FURIN: variants seen among roughly 807,000 people sequenced by gnomAD.
The protein encoded by FURIN is FES upstream region.
A neutral mutation model predicts 89.2 loss-of-function variants in FURIN; 18 were observed. That is an observed-to-expected ratio of 0.20 (90% CI 0.14 to 0.30). The LOEUF is 0.30. FURIN is among the 10% of genes least tolerant of loss of function. FURIN has a pLI of 1.00. For missense variants in FURIN, 879 were observed against 1,100.5 expected, an observed-to-expected ratio of 0.80 and a Z score of 2.85; for synonymous variants, 508 against 466.4, an observed-to-expected ratio of 1.09 and a Z score of -1.15.
chr15:90,882,748 T>C lies in FURIN; in HGVS notation c.*870T>C, dbSNP rs968502211. On this transcript the variant is annotated 3_prime_UTR_variant, in exon 16 of 16. Transcript: ENST00000268171. ...GGGGATCTCAGGGGCTGTTTGAGGA[T>C]ATATTTTCACTTTGTGATTATTTCA... 6.5e-6 allele frequency: 1 copy of C among 152,708 alleles called. No individual in the cohort carries two copies. The highest frequency in any genetic ancestry group is 1.5e-5 in the Non-Finnish European group (1 of 68,066). The allele number at this position is 152,708 out of a possible 1,614,324, so 9.5% of individuals were successfully genotyped here. A position where few individuals can be genotyped will look rare whatever the true frequency, so the allele number is the denominator to read the frequency against.
chr15:90,881,880 G>A lies in FURIN; in HGVS notation c.*2G>A. On this transcript the variant is annotated 3_prime_UTR_variant, in exon 16 of 16. Coordinates refer to ENST00000268171, the MANE Select transcript of FURIN (RefSeq NM_002569.4). The surrounding 1 kb of genome is among the most constrained non-coding windows in gnomAD (Gnocchi z 4.3). ...ATCAAAGACCAGAGCGCCCTCTGAT[G>A]AGCCCACTGCCCACCCCCTCAAGCC... 1 of 1,593,236 alleles carries A rather than the reference G, an allele frequency of 6.3e-7. No homozygotes were observed. The highest frequency in any genetic ancestry group is 1.1e-5 in the South Asian group (1 of 90,284).
At position 90,881,366 on chromosome 15, in the gene FURIN, A is replaced by G. The variant is rs1397284896; in HGVS notation, c.1873A>G (p.Thr625Ala). 1.2e-6 allele frequency: 2 copies of G among 1,612,850 alleles called. No individual in the cohort carries two copies. The highest frequency in any genetic ancestry group is 1.7e-6 in the Non-Finnish European group (2 of 1,179,840). ...PPGFAPQVLD[T>A]HYSTENDVET... ...AGGGTTCGCCCCCCAAGTCCTCGAT[A>G]CGCACTATAGCACCGAGAATGACGT... Residue 625 changes from threonine (T) to alanine (A), a missense_variant, in exon 16 of 16, where the codon ACG becomes GCG. Physicochemically the swap from Thr to Ala is moderately conservative, Grantham distance 58. Around this residue, in one of 5 missense-constraint regions of FURIN, gnomAD observed 457 missense variants for 490.7 expected, o/e 0.93. Coordinates refer to ENST00000268171, the MANE Select transcript of FURIN (RefSeq NM_002569.4). The surrounding 1 kb of genome is among the most constrained non-coding windows in gnomAD (Gnocchi z 4.3).
At position 90,877,211 on chromosome 15, in the gene FURIN, G is replaced by C. The variant is rs760668224; in HGVS notation, c.578G>C (p.Arg193Thr). The C allele has an allele frequency of 6.2e-7, 1 of 1,602,702 alleles. No individual in the cohort carries two copies. Among genetic ancestry groups the C allele is most frequent in the Non-Finnish European group, 8.5e-7 (1 of 1,173,612 alleles). ...QPRYTQMNDN[R>T]HGTRCAGEVA... ...CGGTACACACAGATGAATGACAACA[G>C]GTAAGAAGTGGCAGGCCCCGGTCTC... Residue 193 changes from arginine to threonine, a missense_variant and splice_region_variant, in exon 6 of 16, where the codon AGG becomes ACG. Arg to Thr is a moderately conservative substitution (Grantham distance 71). Transcript: ENST00000268171.
chr15:90,871,351 G>T (rs911527239), intron 1 of FURIN, among the ~76,000 whole-genome samples: 5 of 151,902 alleles, frequency 3.3e-5, no homozygotes, highest in African/African-American at 1.2e-4. Context: ...CGGCAGCGGG[G>T]CCTGAGGGAC....
intron 1 of FURIN, among the ~76,000 whole-genome samples, chr15:90,874,258 AAAC>A (rs895841945): frequency 2.0e-5 from 3 of 152,242 alleles, no homozygotes; most frequent in African/African-American, 7.2e-5. Flanking sequence ...GAAGGAGGAA[AAAC>A]AACACTCGGA....
At chr15:90,877,655 C>G (rs1302207366) in intron 7 of FURIN, 40 bp downstream of exon 7, 1 of 1,398,974 alleles carries the variant, frequency 7.1e-7, no homozygotes, top group Non-Finnish European at 9.8e-7. Context: ...CAGGAGGGCC[C>G]TTCAGTGGAA....
rs748808410 is a variant in FURIN, at chr15:90,878,904, G to A, written c.981G>A (p.Pro327=). ...ISSATQFGNV[P]WYSEACSSTL... Reference sequence around the variant, plus strand: ...GCGCCACGCAGTTTGGCAACGTGCCGTGGTACAGCGAGGCCTGCTCGTCCA... The same window carrying A: ...GCGCCACGCAGTTTGGCAACGTGCCATGGTACAGCGAGGCCTGCTCGTCCA... The change falls in exon 9 of 16, where the codon CCG becomes CCA. Residue 327 remains proline, a synonymous_variant. Transcript: ENST00000268171. The A allele has an allele frequency of 1.3e-5, 21 of 1,612,766 alleles. No individual in the cohort carries two copies. In the Admixed American group the frequency reaches 1.3e-4, roughly 10 times the overall value.
At chr15:90,877,420 G>A in intron 6 of FURIN, 107 bp from the exon 7 acceptor site, 2 of 969,294 alleles carry the variant, frequency 2.1e-6, no homozygotes. Context: ...GGTACTCAGG[G>A]GATGATGGGT....
chr15:90,882,328 C>G lies in FURIN; in HGVS notation c.*450C>G, dbSNP rs1004506495. On this transcript the variant is annotated 3_prime_UTR_variant, in exon 16 of 16. Coordinates refer to ENST00000268171, the MANE Select transcript of FURIN (RefSeq NM_002569.4). ...GGCCACCTCTCCAAGGGCTTCTGCA[C>G]CCTCCACCCTGTCCCCCAGCTCTGG... 1.7e-5 allele frequency: 3 copies of G among 177,020 alleles called. No individual in the cohort carries two copies. The highest frequency in any genetic ancestry group is 5.5e-5 in the Admixed American group (1 of 18,322). 11.0% of individuals were successfully genotyped at this position (177,020 alleles called of 1,614,324 possible).
Position 90,879,849 on chromosome 15 carries a change from C to T in FURIN, c.1259-18C>T, listed in dbSNP as rs1294321256. 4 of 1,610,028 alleles carry T rather than the reference C, an allele frequency of 2.5e-6. No homozygotes were observed. The highest frequency in any genetic ancestry group is 1.1e-5 in the South Asian group (1 of 91,006). ...ACTCTGTGCCTGACAGCTGACCCTA[C>T]CTTCCCTGTCCCCACAGTGAGCCAC... On this transcript the variant is annotated intron_variant, in intron 11 of 15. Transcript: ENST00000268171.
Position 90,881,020 on chromosome 15 carries a change from C to A in FURIN, c.1772C>A (p.Thr591Lys), listed in dbSNP as rs1357079165. The A allele has an allele frequency of 2.5e-6, 4 of 1,613,238 alleles. No homozygotes were observed. The highest frequency in any genetic ancestry group is 3.4e-6 in the Non-Finnish European group (4 of 1,179,278). ...GAAAGCAGTGGCTGCAAGACCCTCA[C>A]GTCCAGTCAGGCCTGTGTGGGTCAG... ...PPESSGCKTL[T>K]SSQACVVCEE... Residue 591 changes from threonine (T) to lysine (K), a missense_variant, in exon 15 of 16, where the codon ACG (threonine) becomes AAG (lysine). This residue lies in a region of FURIN where 457 missense variants were observed against 490.7 expected (regional missense o/e 0.93). Coordinates refer to ENST00000268171, the MANE Select transcript of FURIN (RefSeq NM_002569.4). This position sits in a 1 kb window ranked among gnomAD's most constrained non-coding sequence, Gnocchi z 4.3.
At position 90,881,580 on chromosome 15, in the gene FURIN, C is replaced by T. The variant is rs748545314; in HGVS notation, c.2087C>T (p.Pro696Leu). ...CAGCAGCAGCCACCTCGGCTGCCCC[C>T]GGAGGTGGAGGCGGGGCAACGGCTG... ...PPQQQPPRLP[P>L]EVEAGQRLRA... Residue 696 changes from proline to leucine, a missense_variant, in exon 16 of 16, where the codon CCG becomes CTG. Physicochemically the swap from Pro to Leu is moderately conservative, Grantham distance 98 (BLOSUM62 -3). This residue lies in a region of FURIN where 457 missense variants were observed against 490.7 expected (regional missense o/e 0.93). Transcript: ENST00000268171. This position sits in a 1 kb window ranked among gnomAD's most constrained non-coding sequence, Gnocchi z 4.3. 1.7e-5 allele frequency: 27 copies of T among 1,611,068 alleles called. No homozygotes were observed. The highest frequency in any genetic ancestry group is 1.1e-4 in the African/African-American group (8 of 74,892).
intron 8 of FURIN, 44 bp downstream of exon 8, chr15:90,878,348 T>C: frequency 6.8e-7 from 1 of 1,461,670 alleles, no homozygotes; most frequent in South Asian, 1.3e-5. Context: ...GGTTGGGTGC[T>C]GTCTTCCGTA....
chr15:90,881,549 C>A lies in FURIN; in HGVS notation c.2056C>A (p.Pro686Thr). The A allele has an allele frequency of 1.2e-6, 2 of 1,612,386 alleles. No homozygotes were observed. Among genetic ancestry groups the A allele is most frequent in the Non-Finnish European group, 1.7e-6 (2 of 1,179,564 alleles). The change falls in exon 16 of 16, where the codon CCG becomes ACG. Residue 686 changes from proline (P) to threonine (T), a missense_variant. Coordinates refer to ENST00000268171, the MANE Select transcript of FURIN (RefSeq NM_002569.4). The surrounding 1 kb of genome is among the most constrained non-coding windows in gnomAD (Gnocchi z 4.3). Reference sequence around the variant, plus strand: ...GCAAAGCCAGAGCAGCCGAGAGTCCCCGCCACAGCAGCAGCCACCTCGGCT... The same window carrying A: ...GCAAAGCCAGAGCAGCCGAGAGTCCACGCCACAGCAGCAGCCACCTCGGCT... ...SRQSQSSRESPPQQQPPRLPP... is the reference protein window; with the variant it reads ...SRQSQSSRESTPQQQPPRLPP...
Position 90,882,440 on chromosome 15 carries a change from C to G in FURIN, c.*562C>G, listed in dbSNP as rs373060525. On this transcript the variant is annotated 3_prime_UTR_variant, in exon 16 of 16. Coordinates refer to ENST00000268171, the MANE Select transcript of FURIN (RefSeq NM_002569.4). ...GTGCACGTGGCATGTGGCCTGTGGC[C>G]TGTGTCCCATGACCCACCCCTGTGC... 6.4e-6 allele frequency: 1 copy of G among 157,314 alleles called. No homozygotes were observed. Among genetic ancestry groups the G allele is most frequent in the East Asian group, 1.9e-4 (1 of 5,222 alleles). The allele number at this position is 157,314 out of a possible 1,614,324, so 9.7% of individuals were successfully genotyped here. A position where few individuals can be genotyped will look rare whatever the true frequency, so the allele number is the denominator to read the frequency against.
Position 90,875,818 on chromosome 15 carries a change from C to A in FURIN, c.78C>A (p.Gly26=), listed in dbSNP as rs1250398034. 6.4e-7 allele frequency: 1 copy of A among 1,566,710 alleles called. No individual in the cohort carries two copies. The highest frequency in any genetic ancestry group is 1.2e-5 in the South Asian group (1 of 85,194). The part of the protein sequence containing the change: ...TLVLLAADAQ[G]QKVFTNTWAV... ...TCCTGCTAGCAGCTGATGCTCAGGG[C>A]CAGAAGGTCTTCACCAACACGTGGG... The change falls in exon 2 of 16, where the codon GGC becomes GGA. Residue 26 remains glycine (G), a synonymous_variant. Coordinates refer to ENST00000268171, the MANE Select transcript of FURIN (RefSeq NM_002569.4).
intron 9 of FURIN, 52 bp downstream of exon 9, chr15:90,879,028 C>G: frequency 8.5e-7 from 1 of 1,178,318 alleles, no homozygotes; most frequent in South Asian, 1.4e-5. Context: ...CTGGCTGGCT[C>G]TGTCCAGCAC....
intron 1 of FURIN, among the ~76,000 whole-genome samples, 186 bp from the exon 2 acceptor site, chr15:90,875,396 C>T (rs1001715458): frequency 1.3e-5 from 2 of 152,106 alleles, no homozygotes; most frequent in East Asian, 1.9e-4. Context: ...TGAGGGCATC[C>T]ATCTGTCCAT....
chr15:90,870,498 C>T (rs2031233645), intron 1 of FURIN, among the ~76,000 whole-genome samples: 1 of 152,018 alleles, frequency 6.6e-6, no homozygotes, highest in African/African-American at 2.4e-5. Flanking sequence ...ACCCGGGAAC[C>T]TGTGTTAAGG....
Sources: allele counts gnomAD v4.1 joint callset (sites outside exome capture counted in the v4.1 genomes callset), GRCh38; gene constraint gnomAD v4.1.1; regional missense constraint gnomAD v4.1.1; non-coding constraint Gnocchi (gnomAD v3.1); transcripts MANE v1.5; gene names NCBI Gene and HGNC (gene_info 2026-07-23, HGNC 2026-07-21).